The following ACO1 variants were observed in gnomAD, a reference collection of about 807,000 sequenced individuals.
ACO1 encodes cytoplasmic aconitate hydratase.
Under a neutral mutation model 105.1 loss-of-function variants are expected in ACO1, and 78 were observed. The ratio of observed to expected loss-of-function variants is 0.74; its 90% CI spans 0.62 to 0.90. The LOEUF is 0.90. Among genes scored for constraint, ACO1 ranks in the 40% least tolerant of loss-of-function variants. The probability of loss-of-function intolerance (pLI) is 0.00; values close to 1 mark genes in which losing one functional copy is unlikely to be tolerated. For missense variants in ACO1, 965 were observed against 1,111.1 expected (o/e 0.87, Z 1.87); for synonymous variants, 364 against 397.4 (o/e 0.92, Z 1.00).
intron 20 of ACO1, among the ~76,000 whole-genome samples, chr9:32,449,482 GA>G (rs1438472973): frequency 6.6e-6 from 1 of 152,128 alleles, no homozygotes; most frequent in Non-Finnish European, 1.5e-5. Flanking sequence ...GCCCAAGAGT[GA>G]AAATGATAGA....
At chr9:32,449,178 A>G (rs1364297866) in intron 20 of ACO1, 97 bp downstream of exon 20, 1 of 1,208,336 alleles carries the variant, frequency 8.3e-7, no homozygotes, top group Non-Finnish European at 1.1e-6. Flanking sequence ...TTAGAAGGCA[A>G]AAAATATCAC....
At chr9:32,405,946 A>G (rs1295084532) in intron 2 of ACO1, among the ~76,000 whole-genome samples, 2 of 152,226 alleles carry the variant, frequency 1.3e-5, no homozygotes, top group Non-Finnish European at 1.5e-5. Context: ...GATCACAAGT[A>G]TGTGGGTTGT....
chr9:32,449,130 G>A (rs750287173), intron 20 of ACO1, 49 bp downstream of exon 20: 8 of 1,519,946 alleles, frequency 5.3e-6, no homozygotes, highest in African/African-American at 1.4e-5. Flanking sequence ...GGGCCCCCTC[G>A]TTTGTAACCA....
intron 4 of ACO1, among the ~76,000 whole-genome samples, chr9:32,409,308 T>A (rs748504054): frequency 1.3e-4 from 20 of 152,230 alleles, no homozygotes; most frequent in Admixed American, 3.3e-4. Flanking sequence ...ACTTGGTAAG[T>A]AGACTCTCAG....
At chr9:32,438,417 G>A (rs1050778299) in intron 18 of ACO1, among the ~76,000 whole-genome samples, 6 of 152,192 alleles carry the variant, frequency 3.9e-5, no homozygotes, top group Non-Finnish European at 7.3e-5. Context: ...AGTGAAGGAA[G>A]AGTCCTCTGT....
intron 8 of ACO1, among the ~76,000 whole-genome samples, chr9:32,422,224 G>A (rs1783083380): frequency 6.6e-6 from 1 of 152,204 alleles, no homozygotes; most frequent in South Asian, 2.1e-4. Context: ...TGGTAATCCA[G>A]TGCCAAATTT....
intron 20 of ACO1, among the ~76,000 whole-genome samples, chr9:32,449,393 A>T (rs1822704261): frequency 6.6e-6 from 1 of 152,144 alleles, no homozygotes; most frequent in South Asian, 2.1e-4. Flanking sequence ...CATTACCTAA[A>T]ACATTTCACT....
At chr9:32,403,833 A>G (rs934035900) in intron 1 of ACO1, among the ~76,000 whole-genome samples, 4 of 151,970 alleles carry the variant, frequency 2.6e-5, no homozygotes, top group African/African-American at 9.7e-5. Context: ...CTCTGTTGAG[A>G]TAGTCTTCTG....
chr9:32,385,031 G>A (rs947974356), intron 1 of ACO1, among the ~76,000 whole-genome samples: 3 of 152,228 alleles, frequency 2.0e-5, no homozygotes, highest in Non-Finnish European at 4.4e-5. Context: ...CCTTGCCTAG[G>A]GTGTGCGGCC....
intron 1 of ACO1, among the ~76,000 whole-genome samples, chr9:32,393,055 G>T (rs1821299203): frequency 1.3e-5 from 2 of 152,176 alleles, no homozygotes; most frequent in African/African-American, 4.8e-5. Flanking sequence ...TGTTTGTAGA[G>T]CATGTGTGTT....
intron 1 of ACO1, among the ~76,000 whole-genome samples, chr9:32,404,693 A>G (rs1821568730): frequency 6.6e-6 from 1 of 152,002 alleles, no homozygotes; most frequent in Non-Finnish European, 1.5e-5. Context: ...AGGCATTTTG[A>G]TTGTGACTCC....
rs1177989990 is a variant in ACO1, at chr9:32,384,768, A to C, written c.-23+33A>C. On this transcript the variant is annotated intron_variant, in intron 1 of 20. Coordinates refer to ENST00000309951, the MANE Select transcript of ACO1 (RefSeq NM_002197.3). Reference sequence around the variant, plus strand: ...CCGACGCGGCCCGACCCACGTCCCCAGGCGGGAGCGCCGTCCACCCTGTAT... The same window carrying C: ...CCGACGCGGCCCGACCCACGTCCCCCGGCGGGAGCGCCGTCCACCCTGTAT... 5 of 364,196 alleles carry C rather than the reference A, an allele frequency of 1.4e-5. No homozygotes were observed. In the East Asian group the frequency reaches 5.9e-4, roughly 43 times the overall value. 22.6% of individuals were successfully genotyped at this position (364,196 alleles called of 1,614,324 possible).
At chr9:32,398,524 C>G (rs1347737692) in intron 1 of ACO1, among the ~76,000 whole-genome samples, 2 of 151,814 alleles carry the variant, frequency 1.3e-5, no homozygotes, top group East Asian at 3.9e-4. Flanking sequence ...AGGATTGCAC[C>G]CAGGGTTCGG....
chr9:32,446,931 G>GTGTC (rs2118579217), intron 19 of ACO1, among the ~76,000 whole-genome samples: 1 of 152,280 alleles, frequency 6.6e-6, no homozygotes, highest in Non-Finnish European at 1.5e-5. Flanking sequence ...GGCTTGTAGG[G>GTGTC]TGTCTGTAGA....
Position 32,431,304 on chromosome 9 carries a change from C to T in ACO1, c.1727-415C>T, listed in dbSNP as rs768424066. Among the ~76,000 whole-genome samples the T allele has an allele frequency of 8.5e-4, 129 of 152,128 alleles. 2 individuals are homozygous for T. The highest frequency in any genetic ancestry group is 5.0e-4 in the Non-Finnish European group (34 of 68,028). Reference sequence around the variant, plus strand: ...ATATAAGGATCCTTTTCTTGGTCTACGTAGTGCCATGCTTTTTGCATTTTT... The same window carrying T: ...ATATAAGGATCCTTTTCTTGGTCTATGTAGTGCCATGCTTTTTGCATTTTT... On this transcript the variant is annotated intron_variant, in intron 14 of 20. Transcript: ENST00000309951.
intron 4 of ACO1, among the ~76,000 whole-genome samples, chr9:32,417,035 G>T (rs983361048): frequency 7.9e-5 from 12 of 152,174 alleles, no homozygotes; most frequent in Non-Finnish European, 1.6e-4. Context: ...ACTATGACGG[G>T]AAGTCCATGT....
intron 20 of ACO1, 123 bp from the exon 21 acceptor site, chr9:32,449,867 GCATGTCCT>G (rs1301901815): frequency 4.0e-5 from 27 of 676,162 alleles, no homozygotes; most frequent in Non-Finnish European, 6.7e-5. Context: ...CAGCAGCCTT[GCATGTCCT>G]CATGTGCTGC....
chr9:32,406,850 C>T (rs1476485853), intron 2 of ACO1, among the ~76,000 whole-genome samples: 1 of 152,188 alleles, frequency 6.6e-6, no homozygotes, highest in Non-Finnish European at 1.5e-5. Context: ...TGGCATGGAT[C>T]TTGGCTCACT....
intron 19 of ACO1, among the ~76,000 whole-genome samples, chr9:32,442,701 A>G (rs1317320620): frequency 6.6e-6 from 1 of 152,204 alleles, no homozygotes; most frequent in African/African-American, 2.4e-5. Context: ...CACCTAAAAT[A>G]GTAGAAAAAA....
Sources: allele counts gnomAD v4.1 joint callset (sites outside exome capture counted in the v4.1 genomes callset), GRCh38; gene constraint gnomAD v4.1.1; transcripts MANE v1.5; gene names NCBI Gene and HGNC (gene_info 2026-07-23, HGNC 2026-07-21).